KLHL1: variants seen among roughly 807,000 people sequenced by gnomAD.
KLHL1 encodes the protein kelch like family member 1.
In KLHL1, 47 loss-of-function variants were observed where a neutral mutation model predicts 77.7. The observed-to-expected ratio is 0.60, with a 90% CI of 0.48 to 0.77. The LOEUF (loss-of-function observed/expected upper bound fraction) is 0.77. Among genes scored for constraint, KLHL1 ranks in the 30% least tolerant of loss-of-function variants. The probability of loss-of-function intolerance (pLI) is 0.00; values close to 1 mark genes in which losing one functional copy is unlikely to be tolerated. For missense variants in KLHL1, 925 were observed against 910.8 expected, an observed-to-expected ratio of 1.02 and a Z score of -0.20; for synonymous variants, 360 against 325.2, an observed-to-expected ratio of 1.11 and a Z score of -1.15.
At chr13:69,873,664 T>C (rs551197850) in intron 5 of KLHL1, among the ~76,000 whole-genome samples, 2 of 152,286 alleles carry the variant, frequency 1.3e-5, no homozygotes, top group East Asian at 1.9e-4. Context: ...CTAATGTAGA[T>C]GATGGGTTGA....
chr13:69,897,296 G>A (rs1447848156), intron 4 of KLHL1, among the ~76,000 whole-genome samples: 1 of 152,092 alleles, frequency 6.6e-6, no homozygotes, highest in Non-Finnish European at 1.5e-5. Context: ...CAGTTACCTG[G>A]CTATTACTCA....
chr13:69,988,768 A>T (rs1300785917), intron 1 of KLHL1, among the ~76,000 whole-genome samples: 2 of 152,074 alleles, frequency 1.3e-5, no homozygotes, highest in African/African-American at 4.8e-5. Flanking sequence ...TTCCTTTGAC[A>T]AGTGTCTTCA....
intron 1 of KLHL1, among the ~76,000 whole-genome samples, chr13:70,094,081 A>G (rs1466832390): frequency 6.6e-6 from 1 of 152,170 alleles, no homozygotes; most frequent in East Asian, 1.9e-4. Context: ...TTTTAACACA[A>G]GAAAGTTAGA....
intron 7 of KLHL1, among the ~76,000 whole-genome samples, chr13:69,741,772 G>A (rs1178893328): frequency 6.6e-6 from 1 of 152,122 alleles, no homozygotes; most frequent in East Asian, 1.9e-4. Flanking sequence ...CCTCTTGCCA[G>A]TTTCACAACC....
At chr13:70,027,723 C>T (rs1252140265) in intron 1 of KLHL1, among the ~76,000 whole-genome samples, 3 of 140,168 alleles carry the variant, frequency 2.1e-5, no homozygotes, top group Non-Finnish European at 3.0e-5. Flanking sequence ...CTTTATGCAG[C>T]TTGCATCCCG....
chr13:69,987,588 C>G (rs1884907856), intron 1 of KLHL1, among the ~76,000 whole-genome samples: 1 of 151,542 alleles, frequency 6.6e-6, no homozygotes, highest in Non-Finnish European at 1.5e-5. Flanking sequence ...GAAGGAGGGA[C>G]AGTGGAAGTA....
chr13:70,081,840 C>T (rs530368087), intron 1 of KLHL1, among the ~76,000 whole-genome samples: 13 of 152,146 alleles, frequency 8.5e-5, no homozygotes, highest in Non-Finnish European at 1.8e-4. Context: ...TTTGAACTTA[C>T]GGGTTTGTGG....
At position 70,107,728 on chromosome 13, in the gene KLHL1, C is replaced by G; in HGVS notation, c.-29G>C. 1.3e-6 allele frequency: 2 copies of G among 1,488,920 alleles called. No individual in the cohort carries two copies. Among genetic ancestry groups the G allele is most frequent in the Non-Finnish European group, 1.8e-6 (2 of 1,122,840 alleles). 92.2% of individuals were successfully genotyped at this position (1,488,920 alleles called of 1,614,324 possible). On this transcript the variant is annotated 5_prime_UTR_variant, in exon 1 of 11. Transcript: ENST00000377844. ...TTACGCACAGAAGGCAAAAGGCTGG[C>G]AGCTCACGCAGGAGTAGGCTGGTCA...
intron 7 of KLHL1, among the ~76,000 whole-genome samples, chr13:69,778,455 T>C (rs115998419): frequency 0.037 from 5,604 of 151,220 alleles, 132 homozygotes; most frequent in Middle Eastern, 0.068. Context: ...ATCATTTCTA[T>C]TCAGTCCACA....
At chr13:69,960,756 G>A (rs1464382674) in intron 3 of KLHL1, among the ~76,000 whole-genome samples, 3 of 151,836 alleles carry the variant, frequency 2.0e-5, no homozygotes, top group Non-Finnish European at 4.4e-5. Context: ...TTATTTGAAT[G>A]CACTAATAAC....
chr13:69,831,679 C>A (rs905907059), intron 6 of KLHL1, among the ~76,000 whole-genome samples: 1 of 149,878 alleles, frequency 6.7e-6, no homozygotes, highest in Non-Finnish European at 1.5e-5. Flanking sequence ...CCCTAATACA[C>A]ATATATGCAA....
chr13:70,083,648 A>G (rs1887447209), intron 1 of KLHL1, among the ~76,000 whole-genome samples: 1 of 152,208 alleles, frequency 6.6e-6, no homozygotes, highest in Non-Finnish European at 1.5e-5. Context: ...ACTTTAATCA[A>G]AGAAAATAAT....
At position 70,108,003 on chromosome 13, in the gene KLHL1, C is replaced by T. The variant is rs146929590; in HGVS notation, c.-304G>A. Reference sequence around the variant, plus strand: ...AGAATCCTCGATGCCCGCGCGAGAGCCCCGTGTTATGGCGAGGTGGGACAA... The same window carrying T: ...AGAATCCTCGATGCCCGCGCGAGAGTCCCGTGTTATGGCGAGGTGGGACAA... On this transcript the variant is annotated 5_prime_UTR_variant, in exon 1 of 11. Transcript: ENST00000377844. The T allele has an allele frequency of 2.1e-4, 92 of 445,444 alleles. No homozygotes were observed. Among genetic ancestry groups the T allele is most frequent in the African/African-American group, 1.4e-3 (70 of 49,704 alleles). The allele number at this position is 445,444 out of a possible 1,614,324, so 27.6% of individuals were successfully genotyped here. A position where few individuals can be genotyped will look rare whatever the true frequency, so the allele number is the denominator to read the frequency against.
intron 7 of KLHL1, among the ~76,000 whole-genome samples, chr13:69,781,545 T>G (rs1352437062): frequency 6.6e-6 from 1 of 152,166 alleles, no homozygotes; most frequent in Admixed American, 6.5e-5. Context: ...TTCCTTTTAG[T>G]TGACAGGAAT....
intron 1 of KLHL1, among the ~76,000 whole-genome samples, chr13:70,048,667 G>T (rs1886556510): frequency 6.6e-6 from 1 of 152,146 alleles, no homozygotes; most frequent in African/African-American, 2.4e-5. Flanking sequence ...TTCACAATAG[G>T]GTTCCCCCTT....
At chr13:69,731,250 G>C (rs1330688482) in intron 8 of KLHL1, among the ~76,000 whole-genome samples, 2 of 152,154 alleles carry the variant, frequency 1.3e-5, no homozygotes, top group African/African-American at 4.8e-5. Context: ...AATTGTATTT[G>C]AGAGGAGTGA....
chr13:69,856,483 T>C (rs1390866715), intron 5 of KLHL1, among the ~76,000 whole-genome samples: 1 of 151,984 alleles, frequency 6.6e-6, no homozygotes, highest in African/African-American at 2.4e-5. Flanking sequence ...CCCTGGCAGG[T>C]TAATTGTTAG....
chr13:70,070,710 A>G (rs988308633), intron 1 of KLHL1, among the ~76,000 whole-genome samples: 3 of 152,132 alleles, frequency 2.0e-5, no homozygotes, highest in African/African-American at 7.2e-5. Context: ...AATAAAAACT[A>G]TTAATAACAG....
Position 70,024,620 on chromosome 13 carries a change from T to TTCTCTCTCTCTCTCTCTTTCTCTC in KLHL1, c.498-48819_498-48818insGAGAGAAAGAGAGAGAGAGAGAGA, listed in dbSNP as rs71116979. ...CTGGTTAGGGGTGAGGAGAAAAGAT[T>TTCTCTCTCTCTCTCTCTTTCTCTC]TCTCTCTCTCTCTCTCTCTCTCTCT... is the stretch of plus-strand genomic sequence containing the variant. On this transcript the variant is annotated intron_variant, in intron 1 of 10. Transcript: ENST00000377844. Among the ~76,000 whole-genome samples, 7 of 130,406 alleles carry TTCTCTCTCTCTCTCTCTTTCTCTC rather than the reference T, an allele frequency of 5.4e-5. No homozygotes were observed. The South Asian group carries it at 1.1e-3, about 20-fold the overall frequency. The allele number at this position is 130,406 out of a possible 152,430, so 85.6% of individuals were successfully genotyped here.
Sources: gnomAD v4.1 joint callset for allele counts (sites outside exome capture counted in the v4.1 genomes callset) on GRCh38, gnomAD v4.1.1 for gene constraint, MANE v1.5 for transcripts, NCBI Gene and HGNC (gene_info 2026-07-23, HGNC 2026-07-21) for gene names.